Variants in HIBCH observed in about 807,000 individuals in gnomAD.
HIBCH encodes the protein 3-hydroxyisobutyryl-CoA hydrolase.
A neutral mutation model predicts 58.2 loss-of-function variants in HIBCH; 50 were observed. That is an observed-to-expected ratio of 0.86 (90% CI 0.68 to 1.09). The LOEUF (loss-of-function observed/expected upper bound fraction) is 1.09. Ranked by LOEUF, HIBCH falls within the 50% of genes least tolerant of loss-of-function variation. The pLI, the probability that HIBCH is intolerant of heterozygous loss-of-function variation, is 0.00. For missense variants in HIBCH, 450 were observed against 449.7 expected (o/e 1.00, Z -0.01); for synonymous variants, 151 against 146.9 (o/e 1.03, Z -0.20).
chr2:190,191,607 A>T (rs999308039), intron 1 of HIBCH, among the ~76,000 whole-genome samples: 16 of 152,208 alleles, frequency 1.1e-4, no homozygotes, highest in African/African-American at 3.4e-4. Flanking sequence ...AATGTATGAG[A>T]GTGCAGTTGC....
intron 2 of HIBCH, among the ~76,000 whole-genome samples, chr2:190,309,165 C>T (rs1472276190): frequency 6.6e-6 from 1 of 152,158 alleles, no homozygotes; most frequent in African/African-American, 2.4e-5. Context: ...TAAGTGTTTA[C>T]ACTAGTTAGG....
chr2:190,223,532 G>C (rs1685793286), intron 11 of HIBCH, among the ~76,000 whole-genome samples: 1 of 152,188 alleles, frequency 6.6e-6, no homozygotes, highest in Admixed American at 6.5e-5. Flanking sequence ...TTTGTGATTT[G>C]TTTACAAAAG....
chr2:190,244,787 C>T (rs922075030), intron 11 of HIBCH, 100 bp downstream of exon 11: 2 of 821,238 alleles, frequency 2.4e-6, no homozygotes, highest in African/African-American at 3.3e-5. Context: ...AATGCATGGG[C>T]TATGTCACCA....
At chr2:190,265,381 G>A (rs1173511410) in intron 6 of HIBCH, among the ~76,000 whole-genome samples, 1 of 150,922 alleles carries the variant, frequency 6.6e-6, no homozygotes, top group Non-Finnish European at 1.5e-5. Flanking sequence ...AGGTTTATTA[G>A]CTATCTGGGT....
At chr2:190,242,839 T>A (rs920349434) in intron 11 of HIBCH, among the ~76,000 whole-genome samples, 1 of 152,228 alleles carries the variant, frequency 6.6e-6, no homozygotes, top group Non-Finnish European at 1.5e-5. Flanking sequence ...TCATGTGACA[T>A]AAGATTTACT....
intron 2 of HIBCH, among the ~76,000 whole-genome samples, chr2:190,309,145 C>T (rs978315370): frequency 1.3e-5 from 2 of 152,144 alleles, no homozygotes; most frequent in Admixed American, 6.5e-5. Flanking sequence ...TATATTTATG[C>T]ACCAAACCAT....
intron 6 of HIBCH, among the ~76,000 whole-genome samples, chr2:190,262,648 T>C (rs1454429494): frequency 6.6e-6 from 1 of 152,174 alleles, no homozygotes. Context: ...CCAAATTCTC[T>C]ACAGAGGGCC....
chr2:190,196,891 TAGTATGG>T (rs1466803695), intron 1 of HIBCH, among the ~76,000 whole-genome samples: 1 of 152,194 alleles, frequency 6.6e-6, no homozygotes, highest in Non-Finnish European at 1.5e-5. Context: ...TACCAGAGAC[TAGTATGG>T]AGTATTTAGA....
chr2:190,304,252 T>TTA lies in HIBCH; in HGVS notation c.78+6501_78+6502insTA, dbSNP rs1491356310. Among the ~76,000 whole-genome samples the TTA allele has an allele frequency of 1.4e-5, 2 of 145,582 alleles. No homozygotes were observed. The highest frequency in any genetic ancestry group is 4.1e-4 in the East Asian group (2 of 4,928). ...GAATACCTGAAACTGTGTAATTTGT[T>TTA]AAAAAAAAAAAAAAAAAGGAATTTA... is the stretch of plus-strand genomic sequence containing the variant. On this transcript the variant is annotated intron_variant, in intron 2 of 13. Coordinates refer to ENST00000359678, the MANE Select transcript of HIBCH (RefSeq NM_014362.4). This position sits in a 1 kb window ranked among gnomAD's most constrained non-coding sequence, Gnocchi z 4.1.
rs1690459956 is a variant in HIBCH, at chr2:190,209,102, A to G, written c.1012-189T>C. ...CCTCCTAAATCTTATTTGCTCAAGT[A>G]TCTCCACTGCTACAAATCATTGATC... On this transcript the variant is annotated intron_variant, in intron 12 of 13. Coordinates refer to ENST00000359678, the MANE Select transcript of HIBCH (RefSeq NM_014362.4). The surrounding 1 kb of genome is among the most constrained non-coding windows in gnomAD (Gnocchi z 5.6). 6.6e-6 allele frequency among the ~76,000 whole-genome samples: 1 copy of G among 152,094 alleles called. No individual in the cohort carries two copies. The highest frequency in any genetic ancestry group is 2.4e-5 in the African/African-American group (1 of 41,406).
At chr2:190,225,111 C>T (rs7371399) in intron 11 of HIBCH, among the ~76,000 whole-genome samples, 47,654 of 151,966 alleles carry the variant, frequency 0.31, 8,618 homozygotes, top group African/African-American at 0.48. Context: ...CTGGGACACA[C>T]TTAAAGCAGT....
At chr2:190,284,562 A>C (rs902848744) in intron 6 of HIBCH, among the ~76,000 whole-genome samples, 1 of 152,174 alleles carries the variant, frequency 6.6e-6, no homozygotes, top group African/African-American at 2.4e-5. Flanking sequence ...TAATATTTTT[A>C]TTTTATATTT....
rs1359582041 is a variant in HIBCH at position 190,252,158 on chromosome 2, G to T, written c.663+4C>A. ...ATACAAAATGCAAACATCTGAAAAA[G>T]TACCTTTTCAGAATCTACAAAGTGT... On this transcript the variant is annotated splice_donor_region_variant and intron_variant, in intron 8 of 13. Transcript: ENST00000359678. The T allele has an allele frequency of 2.2e-5, 36 of 1,613,402 alleles. No individual in the cohort carries two copies. Among genetic ancestry groups the T allele is most frequent in the Non-Finnish European group, 3.1e-5 (36 of 1,179,440 alleles).
chr2:190,301,768 T>G (rs145394054), intron 2 of HIBCH, among the ~76,000 whole-genome samples: 285 of 152,324 alleles, frequency 1.9e-3, no homozygotes, highest in African/African-American at 6.4e-3. Flanking sequence ...CGAGATTCAG[T>G]GCCTGGTGAG....
intron 6 of HIBCH, among the ~76,000 whole-genome samples, chr2:190,278,508 A>T (rs1687619772): frequency 6.6e-6 from 1 of 152,220 alleles, no homozygotes. Context: ...CCAGCCTAGA[A>T]TCTGCTTTTT....
chr2:190,296,703 G>C (rs1688111199), intron 3 of HIBCH, 110 bp downstream of exon 3: 2 of 996,712 alleles, frequency 2.0e-6, no homozygotes, highest in African/African-American at 3.2e-5. Context: ...GGCTTACTTA[G>C]ATGCATATCC....
In HIBCH at chr2:190,279,400, A is replaced by G. The variant is rs116030053; in HGVS notation, c.438+8186T>C. ...ATACAAATACATTCACTCCAGCTCCATATCCTCAAAGTATTGTTTCAGCAC... is the reference window on the plus strand; with the variant it reads ...ATACAAATACATTCACTCCAGCTCCGTATCCTCAAAGTATTGTTTCAGCAC... On this transcript the variant is annotated intron_variant, in intron 6 of 13. Coordinates refer to ENST00000359678, the MANE Select transcript of HIBCH (RefSeq NM_014362.4). The surrounding 1 kb of genome is among the most constrained non-coding windows in gnomAD (Gnocchi z 4.2). 2.6e-3 allele frequency among the ~76,000 whole-genome samples: 402 copies of G among 152,332 alleles called. 6 individuals are homozygous for G. The highest frequency in any genetic ancestry group is 4.6e-3 in the Non-Finnish European group (310 of 68,028).
At chr2:190,302,042 G>A (rs1263193500) in intron 2 of HIBCH, among the ~76,000 whole-genome samples, 1 of 152,106 alleles carries the variant, frequency 6.6e-6, no homozygotes, top group Non-Finnish European at 1.5e-5. Context: ...AAATTACCTA[G>A]GATATCAGGG....
chr2:190,287,808 A>G (rs1414378600), intron 5 of HIBCH, among the ~76,000 whole-genome samples, 170 bp from the exon 6 acceptor site: 1 of 152,218 alleles, frequency 6.6e-6, no homozygotes, highest in Non-Finnish European at 1.5e-5. Context: ...TTAAATGTCA[A>G]TCCAACACAA....
Sources: gnomAD v4.1 joint callset for allele counts (sites outside exome capture counted in the v4.1 genomes callset) on GRCh38, gnomAD v4.1.1 for gene constraint, Gnocchi (gnomAD v3.1) non-coding constraint, MANE v1.5 for transcripts, NCBI Gene and HGNC (gene_info 2026-07-23, HGNC 2026-07-21) for gene names.